Variants in CYTH3 observed in about 807,000 individuals in gnomAD.
CYTH3 encodes the protein cytohesin-3.
Under a neutral mutation model 55.1 loss-of-function variants are expected in CYTH3, and 23 were observed. The observed-to-expected ratio is 0.42, with a 90% CI of 0.30 to 0.59. The LOEUF is 0.59. Ranked by LOEUF, CYTH3 falls within the 20% of genes least tolerant of loss-of-function variation. The pLI is 0.20. For missense variants in CYTH3, 413 were observed against 524.8 expected (o/e 0.79, Z 2.08); for synonymous variants, 249 against 194.9 (o/e 1.28, Z -2.31).
intron 5 of CYTH3, among the ~76,000 whole-genome samples, chr7:6,177,552 T>C (rs976089126): frequency 5.3e-5 from 8 of 152,182 alleles, no homozygotes; most frequent in Non-Finnish European, 8.8e-5. Flanking sequence ...GGCAGCAGCA[T>C]TGTCAGTTCT....
intron 1 of CYTH3, among the ~76,000 whole-genome samples, chr7:6,241,375 T>A: frequency 6.6e-6 from 1 of 152,156 alleles, no homozygotes; most frequent in Non-Finnish European, 1.5e-5. Flanking sequence ...GAAATACCAT[T>A]TCTGACCCAT....
rs928545778 is a variant in CYTH3 at position 6,189,368 on chromosome 7, G to C, written c.117+1081C>G. On this transcript the variant is annotated intron_variant, in intron 2 of 12. Coordinates refer to ENST00000350796, the MANE Select transcript of CYTH3 (RefSeq NM_004227.4). ...CTGTTGCCCAGTCCGCAGTACACTG[G>C]CACAATCACAGTTCACTGTAGCCTC... is the stretch of plus-strand genomic sequence containing the variant. Among the ~76,000 whole-genome samples the C allele has an allele frequency of 5.9e-5, 9 of 152,080 alleles. No homozygotes were observed. The East Asian group carries it at 1.7e-3, about 29-fold the overall frequency.
intron 1 of CYTH3, among the ~76,000 whole-genome samples, chr7:6,194,844 G>T (rs1018653794): frequency 6.6e-6 from 1 of 151,928 alleles, no homozygotes; most frequent in African/African-American, 2.4e-5. Flanking sequence ...GTGCCGTGGC[G>T]GGCGCCTATA....
intron 1 of CYTH3, among the ~76,000 whole-genome samples, chr7:6,211,319 C>T (rs1192401912): frequency 6.6e-6 from 1 of 152,214 alleles, no homozygotes; most frequent in African/African-American, 2.4e-5. Context: ...TTTCATAGCA[C>T]TTTTTACCCA....
Position 6,216,832 on chromosome 7 carries a change from C to T in CYTH3, c.35-26301G>A, listed in dbSNP as rs1201004798. Among the ~76,000 whole-genome samples the T allele has an allele frequency of 2.3e-5, 3 of 129,004 alleles. No individual in the cohort carries two copies. In the South Asian group the frequency reaches 7.2e-4, roughly 31 times the overall value. The allele number at this position is 129,004 out of a possible 152,430, so 84.6% of individuals were successfully genotyped here. ...TTCTAAAAAATCTTCAAGTAACTCA[C>T]AGGAAAAAGAAAACAAAAAGCTGAA... is the stretch of plus-strand genomic sequence containing the variant. On this transcript the variant is annotated intron_variant, in intron 1 of 12. Coordinates refer to ENST00000350796, the MANE Select transcript of CYTH3 (RefSeq NM_004227.4).
intron 1 of CYTH3, among the ~76,000 whole-genome samples, chr7:6,227,944 T>C (rs922596955): frequency 6.6e-6 from 1 of 152,238 alleles, no homozygotes; most frequent in African/African-American, 2.4e-5. Flanking sequence ...GGCCTGTGTT[T>C]AATTATGAAA....
intron 1 of CYTH3, among the ~76,000 whole-genome samples, chr7:6,245,638 C>T (rs904289149): frequency 6.6e-6 from 1 of 152,228 alleles, no homozygotes; most frequent in African/African-American, 2.4e-5. Flanking sequence ...GGCATGGCAG[C>T]TCACGCCTGT....
intron 1 of CYTH3, among the ~76,000 whole-genome samples, chr7:6,262,475 A>C (rs1780376437): frequency 1.3e-5 from 2 of 152,220 alleles, no homozygotes; most frequent in South Asian, 4.1e-4. Flanking sequence ...AAAGGGAAGA[A>C]AAAACACACT....
intron 1 of CYTH3, among the ~76,000 whole-genome samples, chr7:6,205,210 G>A (rs1784156072): frequency 6.6e-6 from 1 of 151,956 alleles, no homozygotes; most frequent in Admixed American, 6.6e-5. Flanking sequence ...CATTTGTTTG[G>A]AAATTAAATT....
At chr7:6,254,735 C>T (rs1323937599) in intron 1 of CYTH3, among the ~76,000 whole-genome samples, 2 of 152,214 alleles carry the variant, frequency 1.3e-5, no homozygotes, top group Non-Finnish European at 2.9e-5. Flanking sequence ...TAGGCGTGAG[C>T]CATCGCACCT....
chr7:6,200,694 T>A (rs1302038838), intron 1 of CYTH3, among the ~76,000 whole-genome samples: 2 of 152,228 alleles, frequency 1.3e-5, no homozygotes, highest in East Asian at 3.8e-4. Flanking sequence ...AAACTCTACA[T>A]GGAGCCGTGG....
At chr7:6,256,127 C>T (rs1377371387) in intron 1 of CYTH3, among the ~76,000 whole-genome samples, 1 of 152,212 alleles carries the variant, frequency 6.6e-6, no homozygotes, top group African/African-American at 2.4e-5. Context: ...TCTAAGGAAA[C>T]AGCACTCCTG....
chr7:6,256,787 T>C (rs890494031), intron 1 of CYTH3, among the ~76,000 whole-genome samples: 1 of 152,168 alleles, frequency 6.6e-6, no homozygotes, highest in African/African-American at 2.4e-5. Context: ...GAGCAACTAC[T>C]GGGGGAGCCA....
At chr7:6,224,279 G>A (rs773555619) in intron 1 of CYTH3, among the ~76,000 whole-genome samples, 1 of 145,382 alleles carries the variant, frequency 6.9e-6, no homozygotes, top group Non-Finnish European at 1.5e-5. Context: ...TCCCTGAAGC[G>A]CTATTAACAA....
chr7:6,181,833 G>A (rs547074372), intron 4 of CYTH3, among the ~76,000 whole-genome samples: 42 of 152,214 alleles, frequency 2.8e-4, no homozygotes, highest in African/African-American at 9.2e-4. Context: ...TCTAGCACAC[G>A]TCCACTCTTC....
At chr7:6,215,831 A>T (rs1784413427) in intron 1 of CYTH3, among the ~76,000 whole-genome samples, 2 of 152,170 alleles carry the variant, frequency 1.3e-5, no homozygotes, top group African/African-American at 4.8e-5. Flanking sequence ...TATAGAGGAG[A>T]AAGATAATTC....
intron 1 of CYTH3, among the ~76,000 whole-genome samples, chr7:6,259,772 T>TATATA (rs1491219669): frequency 3.3e-5 from 1 of 30,496 alleles, no homozygotes; most frequent in South Asian, 1.0e-3. Context: ...TATATATATA[T>TATATA]TATATATATA....
At chr7:6,187,856 C>G (rs185067260) in intron 2 of CYTH3, 135 bp from the exon 3 acceptor site, 7 of 729,238 alleles carry the variant, frequency 9.6e-6, no homozygotes, top group Non-Finnish European at 1.7e-5. Flanking sequence ...AAAACCAATA[C>G]TATTATCAAT....
intron 1 of CYTH3, among the ~76,000 whole-genome samples, chr7:6,216,187 G>A (rs141267650): frequency 2.8e-3 from 421 of 152,230 alleles, no homozygotes; most frequent in African/African-American, 9.7e-3. Flanking sequence ...ACGTTTCACG[G>A]TTGAGGCAAA....
Sources: gnomAD v4.1 joint callset for allele counts (sites outside exome capture counted in the v4.1 genomes callset) on GRCh38, gnomAD v4.1.1 for gene constraint, MANE v1.5 for transcripts, NCBI Gene and HGNC (gene_info 2026-07-23, HGNC 2026-07-21) for gene names.